Variants in B4GALNT3 observed in about 807,000 individuals in gnomAD.
B4GALNT3 encodes the protein beta-1,4-N-acetylgalactosaminyltransferase 3.
A neutral mutation model predicts 120.2 loss-of-function variants in B4GALNT3; 86 were observed. The ratio of observed to expected loss-of-function variants is 0.72; its 90% CI spans 0.60 to 0.86. The LOEUF is 0.86. B4GALNT3 is among the 40% of genes least tolerant of loss of function. The pLI is 0.00. For missense variants in B4GALNT3, 1,167 were observed against 1,298.9 expected, an observed-to-expected ratio of 0.90 and a Z score of 1.56; for synonymous variants, 518 against 510.4, an observed-to-expected ratio of 1.01 and a Z score of -0.20.
rs143480511 is a variant in B4GALNT3, at chr12:507,835, G to C, written c.170-27331G>C. ...GTCTGTCCCTGGAAATCCAGTAGTA[G>C]CTTGGTGGACACCTGCCCCTGGAAA... On this transcript the variant is annotated intron_variant, in intron 1 of 19. Transcript: ENST00000266383. 1.2e-3 allele frequency among the ~76,000 whole-genome samples: 168 copies of C among 142,748 alleles called. 1 individual carries two copies. Among genetic ancestry groups the C allele is most frequent in the African/African-American group, 4.5e-3 (148 of 33,020 alleles). The allele number at this position is 142,748 out of a possible 152,430, so 93.6% of individuals were successfully genotyped here.
At position 549,923 on chromosome 12, in the gene B4GALNT3, G is replaced by T. The variant is rs536691844; in HGVS notation, c.997+11G>T. 1 of 1,604,928 alleles carries T rather than the reference G, an allele frequency of 6.2e-7. No individual in the cohort carries two copies. The highest frequency in any genetic ancestry group is 1.7e-5 in the Admixed American group (1 of 58,850). On this transcript the variant is annotated intron_variant, in intron 10 of 19. Coordinates refer to ENST00000266383, the MANE Select transcript of B4GALNT3 (RefSeq NM_173593.4). ...ACACCCTCTATCGAGGTAAGGCCTC[G>T]GCCAGCGCTTGGCGTCCTTTCTGGG... is the stretch of plus-strand genomic sequence containing the variant.
At chr12:546,574 C>A in intron 6 of B4GALNT3, 72 bp from the exon 7 acceptor site, 1 of 1,367,762 alleles carries the variant, frequency 7.3e-7, no homozygotes, top group South Asian at 1.2e-5. Flanking sequence ...CCTTCCTGGT[C>A]TCGCACTCAC....
intron 1 of B4GALNT3, among the ~76,000 whole-genome samples, chr12:511,711 A>G (rs1190693636): frequency 2.7e-5 from 2 of 74,238 alleles, no homozygotes; most frequent in Non-Finnish European, 5.6e-5. Context: ...CCTTCCTTCC[A>G]CCTTCCGCCT....
intron 1 of B4GALNT3, among the ~76,000 whole-genome samples, chr12:469,747 G>A (rs1946117496): frequency 6.6e-6 from 1 of 152,158 alleles, no homozygotes; most frequent in South Asian, 2.1e-4. Context: ...GCATACCCCT[G>A]TGTACACACT....
intron 1 of B4GALNT3, among the ~76,000 whole-genome samples, chr12:464,107 G>A (rs1210148124): frequency 6.6e-6 from 1 of 152,158 alleles, no homozygotes; most frequent in African/African-American, 2.4e-5. Context: ...AGGGGTCCGG[G>A]TGGCAGTGGG....
At chr12:503,913 G>A (rs533097642) in intron 1 of B4GALNT3, among the ~76,000 whole-genome samples, 77 of 152,204 alleles carry the variant, frequency 5.1e-4, no homozygotes, top group Middle Eastern at 6.8e-3. Context: ...TCAGGATTTC[G>A]AGACCAGCCT....
chr12:474,707 C>T (rs1286333428), intron 1 of B4GALNT3, among the ~76,000 whole-genome samples: 1 of 152,074 alleles, frequency 6.6e-6, no homozygotes, highest in Non-Finnish European at 1.5e-5. Context: ...CACCTGTAAT[C>T]TCAGCATTTT....
chr12:534,071 C>T (rs934125332), intron 1 of B4GALNT3, among the ~76,000 whole-genome samples: 3 of 152,184 alleles, frequency 2.0e-5, no homozygotes, highest in Non-Finnish European at 4.4e-5. Context: ...AAGCAGTGCC[C>T]AGCGCAGCAT....
intron 15 of B4GALNT3, 30 bp downstream of exon 15, chr12:556,896 CAG>C: frequency 6.3e-7 from 1 of 1,579,038 alleles, no homozygotes. Flanking sequence ...TCGGCATTCT[CAG>C]GGGCGGGGTC....
At chr12:513,716 G>A (rs1205316176) in intron 1 of B4GALNT3, among the ~76,000 whole-genome samples, 2 of 152,180 alleles carry the variant, frequency 1.3e-5, no homozygotes, top group African/African-American at 2.4e-5. Flanking sequence ...TCTATTCAAG[G>A]TGGAGTTGCT....
At position 546,627 on chromosome 12, in the gene B4GALNT3, C is replaced by T; in HGVS notation, c.640-19C>T. 1.3e-6 allele frequency: 2 copies of T among 1,550,134 alleles called. No homozygotes were observed. The highest frequency in any genetic ancestry group is 1.7e-6 in the Non-Finnish European group (2 of 1,145,554). On this transcript the variant is annotated intron_variant, in intron 6 of 19. Transcript: ENST00000266383. ...GTTTTCTCTGTTCCTCCCTCCTCTT[C>T]TCTCTTCCACACCTCTAGACTGGAA...
At chr12:524,639 T>TA (rs72425704) in intron 1 of B4GALNT3, among the ~76,000 whole-genome samples, 2,243 of 130,840 alleles carry the variant, frequency 0.017, 28 homozygotes, top group African/African-American at 0.035. Context: ...TAAGACATGT[T>TA]AAAAAAAAAA....
intron 1 of B4GALNT3, among the ~76,000 whole-genome samples, chr12:500,562 A>G (rs1333497807): frequency 6.6e-6 from 1 of 152,154 alleles, no homozygotes; most frequent in African/African-American, 2.4e-5. Context: ...GCTTTCTAGT[A>G]TGGACATTCG....
At chr12:480,140 C>G (rs1946223778) in intron 1 of B4GALNT3, among the ~76,000 whole-genome samples, 1 of 151,660 alleles carries the variant, frequency 6.6e-6, no homozygotes, top group African/African-American at 2.4e-5. Context: ...TGGTCTCGAT[C>G]TCCTGACCTC....
intron 1 of B4GALNT3, among the ~76,000 whole-genome samples, chr12:465,902 G>A (rs61916612): frequency 0.017 from 2,531 of 146,512 alleles, 25 homozygotes; most frequent in Non-Finnish European, 0.026. Context: ...TGGGGGTTGA[G>A]GTCCCATTCC....
intron 17 of B4GALNT3, 101 bp downstream of exon 17, chr12:558,189 G>T: frequency 7.6e-7 from 1 of 1,323,694 alleles, no homozygotes; most frequent in South Asian, 1.2e-5. Flanking sequence ...CAGGGAGGAC[G>T]GGAATGAGGA....
At chr12:495,304 G>A (rs576762420) in intron 1 of B4GALNT3, among the ~76,000 whole-genome samples, 2 of 152,210 alleles carry the variant, frequency 1.3e-5, no homozygotes, top group East Asian at 3.9e-4. Context: ...AGTTTCCTGG[G>A]GAGGGGTTTC....
In B4GALNT3 at chr12:508,076, G is replaced by GA. The variant is rs201127806; in HGVS notation, c.170-27085dup. 2.7e-3 allele frequency among the ~76,000 whole-genome samples: 407 copies of GA among 152,364 alleles called. 3 individuals carry two copies. The highest frequency in any genetic ancestry group is 0.015 in the East Asian group (80 of 5,188). On this transcript the variant is annotated intron_variant, in intron 1 of 19. Coordinates refer to ENST00000266383, the MANE Select transcript of B4GALNT3 (RefSeq NM_173593.4). ...CATCCATTGTAACTGGAAGAGATCT[G>GA]AAAAATGACTCGGCCCAAGGTCCCA...
rs1565607968 is a variant in B4GALNT3 at position 545,403 on chromosome 12, C to A, written c.573C>A (p.Asn191Lys). ...KIQFAIAADD[N>K]AEFWLSLDDQ... ...AGTTTGCCATTGCTGCAGATGACAA[C>A]GCGGAGTTCTGGCTGAGCCTCGATG... The change falls in exon 6 of 20, where the codon AAC becomes AAA. Residue 191 changes from asparagine to lysine, a missense_variant. Asn to Lys is a moderately conservative substitution (Grantham distance 94, BLOSUM62 0). Transcript: ENST00000266383. 2.5e-6 allele frequency: 4 copies of A among 1,612,032 alleles called. No individual in the cohort carries two copies. The African/African-American group carries it at 5.3e-5, about 22-fold the overall frequency.
Sources: allele counts gnomAD v4.1 joint callset (sites outside exome capture counted in the v4.1 genomes callset), GRCh38; gene constraint gnomAD v4.1.1; transcripts MANE v1.5; gene names NCBI Gene and HGNC (gene_info 2026-07-23, HGNC 2026-07-21).